The following CIMIP4 variants were observed in gnomAD, a reference collection of about 807,000 sequenced individuals.
CIMIP4 encodes protein EAN57.
the CIMIP4 span, among the ~76,000 whole-genome samples, chr22:37,006,587 C>G: frequency 1.3e-5 from 2 of 152,186 alleles, no homozygotes; most frequent in African/African-American, 4.8e-5. Context: ...TCAGCCACAC[C>G]TGGAGCTGAT....
chr22:36,998,261 G>A, the CIMIP4 span, among the ~76,000 whole-genome samples: 1 of 152,176 alleles, frequency 6.6e-6, no homozygotes, highest in East Asian at 1.9e-4. Flanking sequence ...CCGGAACAGA[G>A]AACAAGCAGA....
chr22:37,000,793 T>A, the CIMIP4 span, among the ~76,000 whole-genome samples: 1 of 152,166 alleles, frequency 6.6e-6, no homozygotes, highest in Non-Finnish European at 1.5e-5. Flanking sequence ...TGAGAGGTGG[T>A]GACCACAGAG....
At chr22:36,992,030 G>A in the CIMIP4 span, among the ~76,000 whole-genome samples, 1 of 152,192 alleles carries the variant, frequency 6.6e-6, no homozygotes, top group Non-Finnish European at 1.5e-5. Flanking sequence ...GCAAAGATTT[G>A]AATGATCAGA....
chr22:37,007,110 C>T, the CIMIP4 span, among the ~76,000 whole-genome samples: 1 of 152,094 alleles, frequency 6.6e-6, no homozygotes, highest in East Asian at 1.9e-4. Context: ...CTGTGAGAGA[C>T]CCTGGGACAG....
the CIMIP4 span, among the ~76,000 whole-genome samples, chr22:36,996,122 A>G: frequency 7.4e-5 from 11 of 147,720 alleles, no homozygotes; most frequent in South Asian, 2.2e-4. Context: ...CCATGACTCA[A>G]TTATTTTTTA....
chr22:36,993,522 A>T, the CIMIP4 span, among the ~76,000 whole-genome samples: 1 of 151,704 alleles, frequency 6.6e-6, no homozygotes, highest in Non-Finnish European at 1.5e-5. Flanking sequence ...AAAAAGCAGC[A>T]CACCATCCTG....
At chr22:37,000,332 A>G in the CIMIP4 span, among the ~76,000 whole-genome samples, 1 of 152,300 alleles carries the variant, frequency 6.6e-6, no homozygotes, top group South Asian at 2.1e-4. Context: ...TCAGGAGACC[A>G]AAGATCACCC....
chr22:37,002,353 A>G, the CIMIP4 span: 1 of 710,134 alleles, frequency 1.4e-6, no homozygotes, highest in Non-Finnish European at 1.8e-6. Context: ...ACACGCAGAC[A>G]AGGGCAGAAA....
At chr22:37,001,937 T>G in the CIMIP4 span, 2 of 1,613,842 alleles carry the variant, frequency 1.2e-6, no homozygotes, top group Non-Finnish European at 1.7e-6. Context: ...CGTGCTCCTC[T>G]GGTCCTGAGC....
At chr22:37,003,881 G>GA in the CIMIP4 span, 1 of 1,408,828 alleles carries the variant, frequency 7.1e-7, no homozygotes, top group Non-Finnish European at 9.5e-7. Context: ...AGCGGGAGGA[G>GA]AAAGGGCCGG....
the CIMIP4 span, among the ~76,000 whole-genome samples, chr22:37,001,551 C>T: frequency 4.6e-5 from 7 of 152,150 alleles, no homozygotes; most frequent in Non-Finnish European, 7.3e-5. Flanking sequence ...ACCCTCGTCT[C>T]GCACAGTTAG....
chr22:36,997,914 A>T, the CIMIP4 span, among the ~76,000 whole-genome samples: 71 of 152,368 alleles, frequency 4.7e-4, no homozygotes, highest in African/African-American at 1.7e-3. Flanking sequence ...ATGGATGGGC[A>T]CACTGACAGC....
chr22:37,000,808 C>A, the CIMIP4 span, among the ~76,000 whole-genome samples: 134 of 152,278 alleles, frequency 8.8e-4, 2 homozygotes, highest in African/African-American at 3.1e-3. Context: ...ACAGAGTCAA[C>A]CTCAAATTGG....
chr22:37,002,458 C>T, the CIMIP4 span, among the ~76,000 whole-genome samples: 2 of 152,038 alleles, frequency 1.3e-5, no homozygotes, highest in South Asian at 2.1e-4. Flanking sequence ...GGGAGAGGGA[C>T]GGAGAGGAAG....
chr22:36,993,159 G>A, the CIMIP4 span, among the ~76,000 whole-genome samples: 1 of 151,694 alleles, frequency 6.6e-6, no homozygotes, highest in African/African-American at 2.4e-5. Flanking sequence ...TTACAGGCAT[G>A]CGCCACCACA....
At chr22:36,992,030 G>C in the CIMIP4 span, among the ~76,000 whole-genome samples, 1 of 152,192 alleles carries the variant, frequency 6.6e-6, no homozygotes, top group Non-Finnish European at 1.5e-5. Context: ...GCAAAGATTT[G>C]AATGATCAGA....
the CIMIP4 span, among the ~76,000 whole-genome samples, chr22:37,005,323 G>A: frequency 0.44 from 67,002 of 151,968 alleles, 14,902 homozygotes; most frequent in East Asian, 0.53. Context: ...ACTCCTATAA[G>A]TTCTGAGATC....
At chr22:36,991,361 C>T in the CIMIP4 span, 1 of 1,556,980 alleles carries the variant, frequency 6.4e-7, no homozygotes, top group South Asian at 1.1e-5. Context: ...TGACTCGTAC[C>T]TCTTCCAAGT....
the CIMIP4 span, among the ~76,000 whole-genome samples, chr22:36,998,282 C>T: frequency 0.16 from 24,701 of 152,138 alleles, 2,490 homozygotes; most frequent in East Asian, 0.26. Context: ...ACTGTATTCT[C>T]GCTTTCCTCC....
Sources: allele counts gnomAD v4.1 joint callset (sites outside exome capture counted in the v4.1 genomes callset), GRCh38; gene constraint gnomAD v4.1.1; transcripts MANE v1.5; gene names NCBI Gene and HGNC (gene_info 2026-07-23, HGNC 2026-07-21).